FHOD3: variants seen among roughly 807,000 people sequenced by gnomAD.
FHOD3 encodes formin homology 2 domain containing 3.
In FHOD3, 90 loss-of-function variants were observed where a neutral mutation model predicts 173.0. That is an observed-to-expected ratio of 0.52 (90% CI 0.44 to 0.62). FHOD3 has a LOEUF of 0.62. FHOD3 is among the 20% of genes least tolerant of loss of function. The pLI is 0.00. For synonymous variants in FHOD3, 828 were observed against 823.0 expected, an observed-to-expected ratio of 1.01 and a Z score of -0.10; for missense variants, 1,945 against 2,034.7, an observed-to-expected ratio of 0.96 and a Z score of 0.85.
At chr18:36,667,510 G>C (rs977917524) in intron 14 of FHOD3, among the ~76,000 whole-genome samples, 1 of 152,110 alleles carries the variant, frequency 6.6e-6, no homozygotes, top group African/African-American at 2.4e-5. Context: ...ATATGGTATA[G>C]CCTGTTACTC....
At chr18:36,673,203 A>G (rs1411678120) in intron 14 of FHOD3, among the ~76,000 whole-genome samples, 1 of 152,168 alleles carries the variant, frequency 6.6e-6, no homozygotes, top group Non-Finnish European at 1.5e-5. Flanking sequence ...TAAGATGGAG[A>G]TTGGGCTAGT....
intron 4 of FHOD3, among the ~76,000 whole-genome samples, chr18:36,509,017 A>G (rs930826141): frequency 3.9e-5 from 6 of 152,218 alleles, no homozygotes; most frequent in African/African-American, 1.4e-4. Context: ...ACATGCCTCT[A>G]TATGCAATAA....
intron 5 of FHOD3, among the ~76,000 whole-genome samples, chr18:36,561,771 A>C (rs1568429318): frequency 6.6e-6 from 1 of 152,144 alleles, no homozygotes; most frequent in Admixed American, 6.5e-5. Flanking sequence ...TTTAGAGCTA[A>C]CAGAGATGAC....
chr18:36,632,490 T>C (rs1315401896), intron 10 of FHOD3, among the ~76,000 whole-genome samples: 1 of 152,212 alleles, frequency 6.6e-6, no homozygotes, highest in Admixed American at 6.5e-5. Context: ...TCTTTACACA[T>C]TTTAGATATT....
chr18:36,491,469 A>G (rs1513851), intron 3 of FHOD3, among the ~76,000 whole-genome samples: 118,124 of 152,122 alleles, frequency 0.78, 46,651 homozygotes, highest in East Asian at 0.95. Flanking sequence ...TGTATATTCT[A>G]TGGGTTTTGA....
chr18:36,638,003 A>T (rs2644259), intron 10 of FHOD3, among the ~76,000 whole-genome samples: 129,351 of 151,856 alleles, frequency 0.85, 55,274 homozygotes, highest in East Asian at 1. Context: ...TGTTTTTTTT[A>T]AAATCTAGAT....
chr18:36,745,456 T>C (rs941359007), intron 23 of FHOD3, among the ~76,000 whole-genome samples: 4 of 152,194 alleles, frequency 2.6e-5, no homozygotes, highest in Non-Finnish European at 5.9e-5. Context: ...GTGTCTTGCA[T>C]GCCTCCCTGC....
chr18:36,759,205 C>G, intron 26 of FHOD3, 64 bp downstream of exon 26: 2 of 1,461,584 alleles, frequency 1.4e-6, no homozygotes, highest in Non-Finnish European at 1.9e-6. Context: ...TCTGGTCTAA[C>G]CTAACATAAT....
intron 17 of FHOD3, among the ~76,000 whole-genome samples, chr18:36,696,368 A>C: frequency 6.6e-6 from 1 of 152,202 alleles, no homozygotes; most frequent in East Asian, 1.9e-4. Context: ...GGAAAAACTA[A>C]TATTTGTTAT....
intron 1 of FHOD3, among the ~76,000 whole-genome samples, chr18:36,308,115 T>C (rs686784): frequency 0.86 from 130,607 of 152,206 alleles, 56,230 homozygotes; most frequent in Non-Finnish European, 0.89. Context: ...AATACATATT[T>C]GTAAAATGAA....
intron 27 of FHOD3, among the ~76,000 whole-genome samples, chr18:36,762,864 CATA>C (rs1366509360): frequency 6.8e-6 from 1 of 146,306 alleles, no homozygotes; most frequent in Non-Finnish European, 1.5e-5. Context: ...ATATTATATA[CATA>C]ATATATAATA....
chr18:36,666,162 G>C (rs1166430908), intron 14 of FHOD3, among the ~76,000 whole-genome samples: 3 of 152,230 alleles, frequency 2.0e-5, no homozygotes, highest in Non-Finnish European at 2.9e-5. Flanking sequence ...CGTGAGCCCT[G>C]CTATTCCTTC....
chr18:36,583,689 A>G (rs2058932413), intron 6 of FHOD3, among the ~76,000 whole-genome samples: 1 of 152,180 alleles, frequency 6.6e-6, no homozygotes, highest in African/African-American at 2.4e-5. Context: ...AGAGCAGCCT[A>G]CTGGTGGCTG....
intron 2 of FHOD3, among the ~76,000 whole-genome samples, chr18:36,360,410 T>C (rs1037116856): frequency 3.3e-5 from 5 of 152,236 alleles, no homozygotes; most frequent in African/African-American, 1.2e-4. Context: ...TAGCTGCTGC[T>C]TACTGGCTGT....
At chr18:36,434,374 G>A (rs1290196846) in intron 3 of FHOD3, among the ~76,000 whole-genome samples, 1 of 152,160 alleles carries the variant, frequency 6.6e-6, no homozygotes, top group African/African-American at 2.4e-5. Context: ...GACGGTGTAT[G>A]TGTGGTTCTA....
In FHOD3 at chr18:36,780,124, TG is replaced by T. The variant is rs2043967659; in HGVS notation, c.*596del. The stretch of plus-strand genomic sequence containing the variant: ...GTTCCACAGGCTCGCCTCTTCAGAA[TG>T]GCAAAACTCTTCTCAGTGTCCTCAG... On this transcript the variant is annotated 3_prime_UTR_variant, in exon 29 of 29. Coordinates refer to ENST00000590592, the MANE Select transcript of FHOD3 (RefSeq NM_001281740.3). 1.6e-6 allele frequency: 2 copies of T among 1,232,160 alleles called. No individual in the cohort carries two copies. Among genetic ancestry groups the T allele is most frequent in the Non-Finnish European group, 2.0e-6 (2 of 988,046 alleles). The allele number at this position is 1,232,160 out of a possible 1,614,324, so 76.3% of individuals were successfully genotyped here. A position where few individuals can be genotyped will look rare whatever the true frequency, so the allele number is the denominator to read the frequency against.
intron 5 of FHOD3, among the ~76,000 whole-genome samples, chr18:36,541,509 A>G (rs2057219199): frequency 6.6e-6 from 1 of 152,130 alleles, no homozygotes; most frequent in South Asian, 2.1e-4. Context: ...AGCCTGGGCA[A>G]CCGAGCAAGA....
intron 3 of FHOD3, among the ~76,000 whole-genome samples, chr18:36,454,024 G>A (rs992174152): frequency 1.6e-4 from 25 of 152,084 alleles, no homozygotes; most frequent in African/African-American, 5.8e-4. Flanking sequence ...TTCCAAGATG[G>A]CGCTCTTTCT....
chr18:36,770,518 C>A (rs1028687460), intron 28 of FHOD3, among the ~76,000 whole-genome samples: 1 of 152,158 alleles, frequency 6.6e-6, no homozygotes, highest in African/African-American at 2.4e-5. Context: ...GATCTGCTTT[C>A]GTTTCTGATG....
Sources: allele counts gnomAD v4.1 joint callset (sites outside exome capture counted in the v4.1 genomes callset), GRCh38; gene constraint gnomAD v4.1.1; transcripts MANE v1.5; gene names NCBI Gene and HGNC (gene_info 2026-07-23, HGNC 2026-07-21).